Variants in AMBRA1 observed in about 807,000 individuals in gnomAD.
AMBRA1 encodes the protein autophagy and beclin 1 regulator 1.
In AMBRA1, 47 loss-of-function variants were observed where a neutral mutation model predicts 125.4. That is an observed-to-expected ratio of 0.37 (90% CI 0.30 to 0.48). The LOEUF (loss-of-function observed/expected upper bound fraction) is 0.48, where lower values mean the gene tolerates loss of function less well. Among genes scored for constraint, AMBRA1 ranks in the 20% least tolerant of loss-of-function variants. AMBRA1 has a pLI of 0.99. For missense variants in AMBRA1, 1,331 were observed against 1,693.4 expected, an observed-to-expected ratio of 0.79 and a Z score of 3.76; for synonymous variants, 626 against 655.5, an observed-to-expected ratio of 0.95 and a Z score of 0.69.
intron 11 of AMBRA1, among the ~76,000 whole-genome samples, chr11:46,462,259 G>A (rs1190742801): frequency 1.3e-5 from 2 of 152,164 alleles, no homozygotes; most frequent in Non-Finnish European, 2.9e-5. Flanking sequence ...CAACTCCGTT[G>A]CTGGTCATCA....
intron 17 of AMBRA1, among the ~76,000 whole-genome samples, chr11:46,404,849 A>G (rs1333348608): frequency 6.6e-6 from 1 of 152,224 alleles, no homozygotes; most frequent in Non-Finnish European, 1.5e-5. Flanking sequence ...ATTGACTAGA[A>G]GCCAGAAATG....
intron 11 of AMBRA1, among the ~76,000 whole-genome samples, chr11:46,444,202 A>C (rs1435200972): frequency 1.3e-5 from 2 of 152,238 alleles, no homozygotes; most frequent in Non-Finnish European, 2.9e-5. Context: ...CACGTAACAC[A>C]ATAAAAATTT....
intron 1 of AMBRA1, among the ~76,000 whole-genome samples, chr11:46,564,873 CATT>C (rs2043466652): frequency 6.6e-6 from 1 of 152,156 alleles, no homozygotes; most frequent in African/African-American, 2.4e-5. Flanking sequence ...GAAAACTATA[CATT>C]ATTATTTCTT....
intron 1 of AMBRA1, among the ~76,000 whole-genome samples, chr11:46,579,045 TAAAAA>T: frequency 1.5e-5 from 1 of 68,030 alleles, no homozygotes; most frequent in African/African-American, 5.4e-5. Context: ...AAGAAAGCAA[TAAAAA>T]AAAAAAAAAA....
chr11:46,426,750 T>C (rs1947154936), intron 14 of AMBRA1, among the ~76,000 whole-genome samples: 1 of 152,212 alleles, frequency 6.6e-6, no homozygotes, highest in Non-Finnish European at 1.5e-5. Context: ...AACTTTAAGA[T>C]AATTGCAGCG....
chr11:46,584,990 T>C (rs2044314868), intron 1 of AMBRA1, among the ~76,000 whole-genome samples: 1 of 152,054 alleles, frequency 6.6e-6, no homozygotes, highest in Non-Finnish European at 1.5e-5. Flanking sequence ...GAGAAACGCT[T>C]GAACCTGGGA....
intron 11 of AMBRA1, among the ~76,000 whole-genome samples, chr11:46,486,519 CTAAG>C (rs912671252): frequency 6.8e-4 from 103 of 152,262 alleles, no homozygotes; most frequent in African/African-American, 2.3e-3. Context: ...CCCCAGTTGA[CTAAG>C]TGAGACTAAA....
rs1214838212 is a variant in AMBRA1, at chr11:46,542,318, G to A, written c.1699C>T (p.Arg567Cys). The change falls in exon 7 of 18, where the codon CGC becomes TGC. Residue 567 changes from arginine (R) to cysteine (C), a missense_variant. Around this residue, in one of 4 missense-constraint regions of AMBRA1, gnomAD observed 689 missense variants for 776.5 expected, o/e 0.89. Coordinates refer to ENST00000683756, the MANE Select transcript of AMBRA1 (RefSeq NM_001387011.1). The surrounding 1 kb of genome is among the most constrained non-coding windows in gnomAD (Gnocchi z 5.9). ...AGGAGATTGTGGCAAGCACGACAGC[G>A]ATTCAGGTGGCCACGGGACAGGTTG... is the stretch of plus-strand genomic sequence containing the variant. Reference protein sequence around the residue: ...NSNLSRGHLNRCRACHNLLTF... With the variant: ...NSNLSRGHLNCCRACHNLLTF... 5.0e-6 allele frequency: 8 copies of A among 1,614,138 alleles called. No homozygotes were observed. Among genetic ancestry groups the A allele is most frequent in the Non-Finnish European group, 6.8e-6 (8 of 1,180,026 alleles).
intron 8 of AMBRA1, among the ~76,000 whole-genome samples, chr11:46,510,517 A>C (rs945821629): frequency 6.6e-6 from 1 of 152,246 alleles, no homozygotes; most frequent in Non-Finnish European, 1.5e-5. Context: ...CGATTCTGAA[A>C]AGTGATAAGT....
intron 12 of AMBRA1, among the ~76,000 whole-genome samples, chr11:46,442,915 T>A (rs1948090531): frequency 6.6e-6 from 1 of 152,064 alleles, no homozygotes; most frequent in South Asian, 2.1e-4. Context: ...AGAGACAGGG[T>A]TTTACCATGT....
chr11:46,433,616 A>C lies in AMBRA1; in HGVS notation c.2834T>G (p.Ile945Ser). 1 of 1,613,940 alleles carries C rather than the reference A, an allele frequency of 6.2e-7. No homozygotes were observed. Among genetic ancestry groups the C allele is most frequent in the Non-Finnish European group, 8.5e-7 (1 of 1,179,866 alleles). The change falls in exon 14 of 18, where the codon ATT becomes AGT. Residue 945 changes from isoleucine (I) to serine (S), a missense_variant. Physicochemically the swap from Ile to Ser is moderately radical, Grantham distance 142 (BLOSUM62 -2). This residue lies in a region of AMBRA1 where 354 missense variants were observed against 532.7 expected (regional missense o/e 0.66). Coordinates refer to ENST00000683756, the MANE Select transcript of AMBRA1 (RefSeq NM_001387011.1). The part of the protein sequence containing the change: ...LYTKRFGPNA[I>S]SVSLSPMGRY... The stretch of plus-strand genomic sequence containing the variant: ...GCCCATTGGGGACAGGCTCACCGAA[A>C]TGGCATTGGGACCTGAGGGCCAACA...
At chr11:46,525,843 T>C (rs899055416) in intron 7 of AMBRA1, among the ~76,000 whole-genome samples, 4 of 149,860 alleles carry the variant, frequency 2.7e-5, no homozygotes, top group Non-Finnish European at 5.9e-5. Context: ...ACCCAGAAGA[T>C]GGAGGTTGCA....
intron 15 of AMBRA1, among the ~76,000 whole-genome samples, chr11:46,411,587 G>A (rs1402005613): frequency 6.6e-6 from 1 of 152,174 alleles, no homozygotes; most frequent in African/African-American, 2.4e-5. Context: ...TCCTGCCTCA[G>A]CCTCCTGAGC....
chr11:46,410,379 G>A lies in AMBRA1; in HGVS notation c.3117-11C>T. 6.2e-7 allele frequency: 1 copy of A among 1,611,186 alleles called. No individual in the cohort carries two copies. The highest frequency in any genetic ancestry group is 1.1e-5 in the South Asian group (1 of 91,032). Reference sequence around the variant, plus strand: ...CCAGAGTTTAAGGCCCTAAAAATCAGTTGGGAAGGGTAAAGAAGAAGGTGA... The same window carrying A: ...CCAGAGTTTAAGGCCCTAAAAATCAATTGGGAAGGGTAAAGAAGAAGGTGA... On this transcript the variant is annotated splice_polypyrimidine_tract_variant and intron_variant, in intron 15 of 17. Transcript: ENST00000683756.
rs1565113536 is a variant in AMBRA1 at position 46,397,908 on chromosome 11, C to T, written c.3439G>A (p.Ala1147Thr). The change falls in exon 18 of 18, where the codon GCG becomes ACG. Residue 1147 changes from alanine (A) to threonine (T), a missense_variant. Physicochemically the swap from Ala to Thr is moderately conservative, Grantham distance 58 (BLOSUM62 0). This residue lies in a region of AMBRA1 where 354 missense variants were observed against 532.7 expected (regional missense o/e 0.66). Transcript: ENST00000683756. The stretch of plus-strand genomic sequence containing the variant: ...ATCAGCCTCTGGATCCTGCTGAGCG[C>T]ATCTTCTCCACTGGCACCATACTCT... ...GSEYGASGED[A>T]LSRIQRLMAE... is the part of the protein sequence containing the mutation. The T allele has an allele frequency of 1.9e-6, 3 of 1,598,508 alleles. No individual in the cohort carries two copies. Among genetic ancestry groups the T allele is most frequent in the Admixed American group, 1.7e-5 (1 of 60,000 alleles).
rs1371448924 is a variant in AMBRA1, at chr11:46,418,041, G to A, written c.2988C>T (p.Asn996=). The A allele has an allele frequency of 6.9e-6, 11 of 1,596,660 alleles. No homozygotes were observed. The highest frequency in any genetic ancestry group is 1.3e-5 in the African/African-American group (1 of 74,430). Reference sequence around the variant, plus strand: ...GGTCGGCAGGCATGGGATAAAGGACGTTGAAAACTCTCTAGGTAGAGGAAA... The same window carrying A: ...GGTCGGCAGGCATGGGATAAAGGACATTGAAAACTCTCTAGGTAGAGGAAA... ...GGETSMRRVF[N]VLYPMPADQR... Residue 996 remains asparagine (N), a synonymous_variant, in exon 15 of 18, where the codon AAC becomes AAT. Coordinates refer to ENST00000683756, the MANE Select transcript of AMBRA1 (RefSeq NM_001387011.1).
chr11:46,518,374 G>A (rs922632379), intron 7 of AMBRA1: 3 of 174,862 alleles, frequency 1.7e-5, no homozygotes, highest in Admixed American at 1.3e-4. Flanking sequence ...AGCTTGCAGT[G>A]AGCCAAGATA....
intron 1 of AMBRA1, among the ~76,000 whole-genome samples, chr11:46,584,378 T>C (rs1466836778): frequency 1.9e-5 from 1 of 53,170 alleles, no homozygotes; most frequent in Non-Finnish European, 3.3e-5. Flanking sequence ...TGTTGTGGGG[T>C]GGGGGGAGGG....
intron 11 of AMBRA1, among the ~76,000 whole-genome samples, chr11:46,468,385 G>C (rs1949421310): frequency 6.6e-6 from 1 of 151,512 alleles, no homozygotes; most frequent in Non-Finnish European, 1.5e-5. Context: ...TGAAAAAAAA[G>C]AAAAAAGAAG....
Sources: gnomAD v4.1 joint callset for allele counts (sites outside exome capture counted in the v4.1 genomes callset) on GRCh38, gnomAD v4.1.1 for gene constraint, gnomAD v4.1.1 regional missense constraint, Gnocchi (gnomAD v3.1) non-coding constraint, MANE v1.5 for transcripts, NCBI Gene and HGNC (gene_info 2026-07-23, HGNC 2026-07-21) for gene names.